The following TCERG1L variants were observed in gnomAD, a reference collection of about 807,000 sequenced individuals.
The protein encoded by TCERG1L is transcription elongation regulator 1-like protein.
A neutral mutation model predicts 56.3 loss-of-function variants in TCERG1L; 37 were observed. The ratio of observed to expected loss-of-function variants is 0.66; its 90% CI spans 0.51 to 0.87. The LOEUF is 0.87. Ranked by LOEUF, TCERG1L falls within the 40% of genes least tolerant of loss-of-function variation. The pLI is 0.00. For missense variants in TCERG1L, 799 were observed against 774.2 expected (o/e 1.03, Z -0.38); for synonymous variants, 324 against 326.3 (o/e 0.99, Z 0.08).
chr10:131,095,635 G>C (rs995148421), intron 11 of TCERG1L: 2 of 152,092 alleles, frequency 1.3e-5, no homozygotes, highest in East Asian at 1.9e-4. Flanking sequence ...GAAAAAAATA[G>C]CTTTATAATT....
chr10:131,098,187 A>G lies in TCERG1L; in HGVS notation c.1604+119T>C, dbSNP rs1345924510. On this transcript the variant is annotated intron_variant, in intron 11 of 11. Transcript: ENST00000368642. ...TCACTGGCAGGTCTTCAAAGCTCAC[A>G]CTTTCGTGTCTGTGGAAGGCTGGGT... The G allele has an allele frequency of 3.6e-6, 4 of 1,101,572 alleles. No homozygotes were observed. The Admixed American group carries it at 7.8e-5, about 21-fold the overall frequency. The allele number at this position is 1,101,572 out of a possible 1,614,324, so 68.2% of individuals were successfully genotyped here.
rs190635548 is a variant in TCERG1L, at chr10:131,114,374, A to T, written c.1395+2425T>A. ...ATAAATGGTGGCATTGCTTTATAAT[A>T]TTAGCAGTAAATTTGGATTGATCTT... is the stretch of plus-strand genomic sequence containing the variant. On this transcript the variant is annotated intron_variant, in intron 9 of 11. Transcript: ENST00000368642. 4.9e-4 allele frequency among the ~76,000 whole-genome samples: 69 copies of T among 141,490 alleles called. 12 individuals are homozygous for T. In the South Asian group the frequency reaches 6.2e-3, roughly 13 times the overall value. 92.8% of individuals were successfully genotyped at this position (141,490 alleles called of 152,430 possible). A position where few individuals can be genotyped will look rare whatever the true frequency, so the allele number is the denominator to read the frequency against.
At chr10:131,155,700 C>T (rs536068419) in intron 6 of TCERG1L, among the ~76,000 whole-genome samples, 4 of 152,300 alleles carry the variant, frequency 2.6e-5, no homozygotes, top group Admixed American at 6.5e-5. Context: ...ACAGCACGTC[C>T]GGGAGCTGGT....
intron 3 of TCERG1L, among the ~76,000 whole-genome samples, chr10:131,274,358 C>A (rs1846372084): frequency 6.6e-6 from 1 of 152,232 alleles, no homozygotes; most frequent in South Asian, 2.1e-4. Flanking sequence ...CCATTCCCAG[C>A]TGCACTTGTT....
In TCERG1L at chr10:131,231,997, G is replaced by A. The variant is rs1035601396; in HGVS notation, c.856+28262C>T. Among the ~76,000 whole-genome samples the A allele has an allele frequency of 1.4e-4, 21 of 152,228 alleles. 1 individual carries two copies. In the South Asian group the frequency reaches 2.7e-3, roughly 20 times the overall value. ...GTGAACAATGGCAGAAATGGCCCCC[G>A]TTCCTCCCATCCCCCAGGCCAAAGC... is the stretch of plus-strand genomic sequence containing the variant. On this transcript the variant is annotated intron_variant, in intron 4 of 11. Transcript: ENST00000368642.
intron 4 of TCERG1L, among the ~76,000 whole-genome samples, chr10:131,243,799 G>C (rs1477059465): frequency 6.6e-6 from 1 of 152,174 alleles, no homozygotes; most frequent in Non-Finnish European, 1.5e-5. Flanking sequence ...TTATTAGCTC[G>C]TGACTTGTGG....
chr10:131,173,197 A>G (rs1276504488), intron 4 of TCERG1L, among the ~76,000 whole-genome samples: 1 of 152,104 alleles, frequency 6.6e-6, no homozygotes, highest in Non-Finnish European at 1.5e-5. Flanking sequence ...GGCCTGAATG[A>G]TATTTTAATC....
intron 4 of TCERG1L, among the ~76,000 whole-genome samples, chr10:131,209,274 G>C (rs1845589094): frequency 6.7e-6 from 1 of 149,642 alleles, no homozygotes; most frequent in Non-Finnish European, 1.5e-5. Flanking sequence ...TTTCAGATCA[G>C]GGAAACCAAA....
chr10:131,192,727 C>G lies in TCERG1L; in HGVS notation c.857-25842G>C, dbSNP rs561871999. Among the ~76,000 whole-genome samples, 5 of 144,526 alleles carry G rather than the reference C, an allele frequency of 3.5e-5. 1 individual carries two copies. The highest frequency in any genetic ancestry group is 6.1e-5 in the Non-Finnish European group (4 of 65,406). 94.8% of individuals were successfully genotyped at this position (144,526 alleles called of 152,430 possible). A position where few individuals can be genotyped will look rare whatever the true frequency, so the allele number is the denominator to read the frequency against. On this transcript the variant is annotated intron_variant, in intron 4 of 11. Coordinates refer to ENST00000368642, the MANE Select transcript of TCERG1L (RefSeq NM_174937.4). ...CAGCAATTTGGATGGAGCTGGAGTC[C>G]ATTATTCTAAGTGAAGTAGTAACAC...
At chr10:131,106,223 G>A (rs1192938161) in intron 9 of TCERG1L, among the ~76,000 whole-genome samples, 2 of 152,248 alleles carry the variant, frequency 1.3e-5, no homozygotes, top group Non-Finnish European at 2.9e-5. Flanking sequence ...CAAGCTGGGT[G>A]TTGAGGATCT....
chr10:131,226,324 G>A (rs1845790932), intron 4 of TCERG1L, among the ~76,000 whole-genome samples: 2 of 152,254 alleles, frequency 1.3e-5, no homozygotes, highest in East Asian at 1.9e-4. Context: ...TAATCTGCCC[G>A]CCTCCGCCTC....
intron 7 of TCERG1L, among the ~76,000 whole-genome samples, chr10:131,141,233 G>A (rs914679575): frequency 2.0e-5 from 3 of 152,252 alleles, no homozygotes; most frequent in African/African-American, 7.2e-5. Flanking sequence ...GGGCTTCCCC[G>A]AGCCTTCCAC....
At chr10:131,200,881 A>T (rs951982352) in intron 4 of TCERG1L, among the ~76,000 whole-genome samples, 1 of 152,120 alleles carries the variant, frequency 6.6e-6, no homozygotes, top group Admixed American at 6.5e-5. Flanking sequence ...ATCACAAGGG[A>T]TCCTCCCTGG....
Position 131,093,314 on chromosome 10 carries a change from T to TGGTCCTGAAAAAGAAAGAG in TCERG1L, c.1605-15_1608dup (p.Thr537LeufsTer9). The TGGTCCTGAAAAAGAAAGAG allele has an allele frequency of 6.2e-7, 1 of 1,611,638 alleles. No individual in the cohort carries two copies. The highest frequency in any genetic ancestry group is 8.5e-7 in the Non-Finnish European group (1 of 1,179,230). ...TATTTCTCTGCAAACTCCTTAAACG[T>TGGTCCTGAAAAAGAAAGAG]GGTCCTGAAAAAGAAAGAGTTTCCT... is the stretch of plus-strand genomic sequence containing the variant. On this transcript the variant is annotated frameshift_variant, in exon 12 of 12. Transcript: ENST00000368642. LOFTEE classifies it low-confidence loss of function (END_TRUNC).
intron 8 of TCERG1L, among the ~76,000 whole-genome samples, chr10:131,129,302 T>A (rs577003584): frequency 2.0e-5 from 3 of 152,380 alleles, no homozygotes; most frequent in African/African-American, 7.2e-5. Context: ...GATGTGACTA[T>A]GTTACCATGC....
intron 4 of TCERG1L, among the ~76,000 whole-genome samples, chr10:131,187,877 AG>A (rs1845263359): frequency 6.6e-6 from 1 of 152,154 alleles, no homozygotes; most frequent in African/African-American, 2.4e-5. Context: ...TGCAGAGGGG[AG>A]GGCTCCATGT....
At chr10:131,129,316 T>C (rs941856745) in intron 8 of TCERG1L, among the ~76,000 whole-genome samples, 1 of 152,280 alleles carries the variant, frequency 6.6e-6, no homozygotes, top group African/African-American at 2.4e-5. Flanking sequence ...ACCATGCTTA[T>C]ATTTTAAAAT....
intron 4 of TCERG1L, among the ~76,000 whole-genome samples, chr10:131,248,973 G>A (rs962899569): frequency 2.6e-5 from 4 of 152,192 alleles, no homozygotes; most frequent in Non-Finnish European, 5.9e-5. Context: ...CCCGGGGAGA[G>A]GCAGGATGGG....
At chr10:131,293,686 C>T (rs943091545) in intron 3 of TCERG1L, among the ~76,000 whole-genome samples, 2 of 152,096 alleles carry the variant, frequency 1.3e-5, no homozygotes, top group Non-Finnish European at 2.9e-5. Context: ...TGCTCCTGAC[C>T]GAAATCCACC....
Sources: gnomAD v4.1 joint callset for allele counts (sites outside exome capture counted in the v4.1 genomes callset) on GRCh38, gnomAD v4.1.1 for gene constraint, MANE v1.5 for transcripts, NCBI Gene and HGNC (gene_info 2026-07-23, HGNC 2026-07-21) for gene names.